The following INTS11 variants were observed in gnomAD, a reference collection of about 807,000 sequenced individuals.
The protein encoded by INTS11 is integrator complex subunit 11.
INTS11 carries 77 observed loss-of-function variants against 78.6 expected under a neutral mutation model. That is an observed-to-expected ratio of 0.98 (90% CI 0.81 to 1.18). The LOEUF is 1.18. Among genes scored for constraint, INTS11 ranks in the 50% most tolerant of loss-of-function variants. The pLI is 0.00. For missense variants in INTS11, 875 were observed against 825.9 expected, an observed-to-expected ratio of 1.06 and a Z score of -0.73; for synonymous variants, 441 against 326.9, an observed-to-expected ratio of 1.35 and a Z score of -3.77.
rs757621940 is a variant in INTS11 at position 1,320,937 on chromosome 1, G to A, written c.126+59C>T. On this transcript the variant is annotated intron_variant, in intron 2 of 16. Coordinates refer to ENST00000435064, the MANE Select transcript of INTS11 (RefSeq NM_017871.6). ...CCACTGTCCCGGCTCTGAGGCCCAG[G>A]GTCCAGCTGTGGATGGCCGGCTCTC... 9.7e-6 allele frequency: 14 copies of A among 1,442,274 alleles called. No homozygotes were observed. The African/African-American group carries it at 2.0e-4, about 20-fold the overall frequency. 89.3% of individuals were successfully genotyped at this position (1,442,274 alleles called of 1,614,324 possible). A position where few individuals can be genotyped will look rare whatever the true frequency, so the allele number is the denominator to read the frequency against.
intron 1 of INTS11, chr1:1,322,052 C>T: frequency 9.3e-7 from 1 of 1,079,250 alleles, no homozygotes; most frequent in Non-Finnish European, 1.2e-6. Flanking sequence ...TGTGAGCTCT[C>T]TGAGAGCAGG....
chr1:1,321,182 G>C (rs1642926069), intron 1 of INTS11, 89 bp from the exon 2 acceptor site: 4 of 1,011,370 alleles, frequency 4.0e-6, no homozygotes, highest in African/African-American at 1.6e-5. Context: ...GTGCACTGAG[G>C]AAACCGGACC....
intron 3 of INTS11, 114 bp downstream of exon 3, chr1:1,320,342 C>A: frequency 1.0e-6 from 1 of 963,718 alleles, no homozygotes; most frequent in African/African-American, 1.6e-5. Flanking sequence ...TAGAAGCCCC[C>A]TGAGGATCAA....
intron 2 of INTS11, 135 bp from the exon 3 acceptor site, chr1:1,320,664 G>C (rs1642891864): frequency 2.2e-6 from 2 of 889,472 alleles, no homozygotes; most frequent in Non-Finnish European, 1.9e-6. Flanking sequence ...CATCCCGCAG[G>C]TGGCACCAGG....
rs773203813 is a variant in INTS11, at chr1:1,312,439, C to A, written c.1464+1G>T. 2.6e-6 allele frequency: 4 copies of A among 1,567,560 alleles called. No homozygotes were observed. The highest frequency in any genetic ancestry group is 3.5e-6 in the Non-Finnish European group (4 of 1,156,774). On this transcript the variant is annotated splice_donor_variant, in intron 14 of 16. Coordinates refer to ENST00000435064, the MANE Select transcript of INTS11 (RefSeq NM_017871.6). LOFTEE classifies it high-confidence loss of function. ...CCTCCAGAGACCGTCCTGGCACTCA[C>A]GCTGTCCTTCATGATCAGGGTGCCG...
At chr1:1,319,188 G>T in intron 4 of INTS11, 108 bp downstream of exon 4, 2 of 1,000,272 alleles carry the variant, frequency 2.0e-6, no homozygotes, top group Middle Eastern at 2.0e-4. Context: ...GGTGGGGTGG[G>T]CTCACCCTGA....
At chr1:1,321,273 C>G (rs1012642413) in intron 1 of INTS11, among the ~76,000 whole-genome samples, 180 bp from the exon 2 acceptor site, 4 of 152,194 alleles carry the variant, frequency 2.6e-5, no homozygotes, top group African/African-American at 9.7e-5. Context: ...GGGGACCATG[C>G]CCCACACCAT....
At chr1:1,322,000 G>A in intron 1 of INTS11, 1 of 1,350,456 alleles carries the variant, frequency 7.4e-7, no homozygotes, top group Non-Finnish European at 9.6e-7. Context: ...ACAGAGAGGG[G>A]ATCTCAGGTT....
rs775679241 is a variant in INTS11 at position 1,320,422 on chromosome 1, C to T, written c.200+34G>A. The T allele has an allele frequency of 6.9e-6, 11 of 1,601,714 alleles. No homozygotes were observed. In the South Asian group the frequency reaches 1.2e-4, roughly 18 times the overall value. On this transcript the variant is annotated intron_variant, in intron 3 of 16. Coordinates refer to ENST00000435064, the MANE Select transcript of INTS11 (RefSeq NM_017871.6). The stretch of plus-strand genomic sequence containing the variant: ...GTGGCCCAAGCCCCACAGGCACAGA[C>T]ATGGGACCCTCAAGGCCCCCAACAG...
At position 1,314,915 on chromosome 1, in the gene INTS11, G is replaced by C. The variant is rs1254050060; in HGVS notation, c.611C>G (p.Ser204Cys). The change falls in exon 7 of 17, where the codon TCC (serine) becomes TGC (cysteine). Residue 204 changes from serine (S) to cysteine (C), a missense_variant. Ser to Cys is a moderately radical substitution (Grantham distance 112). Transcript: ENST00000435064. This position sits in a 1 kb window ranked among gnomAD's most constrained non-coding sequence, Gnocchi z 4.2. ...GTCACGGATGGTCGTGGCGTACGTGGACTCTGTGATGAGCAGGTTGGGGCG... is the reference window on the plus strand; with the variant it reads ...GTCACGGATGGTCGTGGCGTACGTGCACTCTGTGATGAGCAGGTTGGGGCG... ...KCRPNLLITE[S>C]TYATTIRDSK... 3.1e-6 allele frequency: 5 copies of C among 1,613,084 alleles called. No individual in the cohort carries two copies. Among genetic ancestry groups the C allele is most frequent in the Non-Finnish European group, 4.2e-6 (5 of 1,179,954 alleles).
intron 1 of INTS11, 37 bp downstream of exon 1, chr1:1,324,544 A>G: frequency 6.3e-7 from 1 of 1,581,038 alleles, no homozygotes; most frequent in Non-Finnish European, 8.6e-7. Flanking sequence ...CCGCATACGG[A>G]GCCCACCCCA....
chr1:1,313,695 G>C, intron 9 of INTS11, 37 bp downstream of exon 9: 1 of 1,610,202 alleles, frequency 6.2e-7, no homozygotes. Flanking sequence ...AGACCGACGG[G>C]TGTGGATGTG....
Position 1,312,213 on chromosome 1 carries a change from G to GGGGGGGGGGGGGGGCCCCCCCCCCCC in INTS11, c.1607+12_1607+13insGGGGGGGGGGGGCCCCCCCCCCCCCC. 2 of 934,618 alleles carry GGGGGGGGGGGGGGGCCCCCCCCCCCC rather than the reference G, an allele frequency of 2.1e-6. No homozygotes were observed. The highest frequency in any genetic ancestry group is 3.1e-6 in the Non-Finnish European group (2 of 636,666). 57.9% of individuals were successfully genotyped at this position (934,618 alleles called of 1,614,324 possible). On this transcript the variant is annotated intron_variant, in intron 15 of 16. Coordinates refer to ENST00000435064, the MANE Select transcript of INTS11 (RefSeq NM_017871.6). ...CCCAAGGGAGTGGGGGGGGGGCGGG[G>GGGGGGGGGGGGGGGCCCCCCCCCCCC]CCGGGCGCCCACCTCTTGAGGTGGC...
Position 1,323,146 on chromosome 1 carries a change from C to A in INTS11, c.28+1435G>T, listed in dbSNP as rs1239011242. On this transcript the variant is annotated intron_variant, in intron 1 of 16. Transcript: ENST00000435064. ...GGGTGTTCACAGCACAGTGTCCACA[C>A]CGGGGCGGGGGGCACCCTCCGAGGA... 5 of 1,548,900 alleles carry A rather than the reference C, an allele frequency of 3.2e-6. No homozygotes were observed. In the African/African-American group the frequency reaches 5.5e-5, roughly 17 times the overall value.
At position 1,322,548 on chromosome 1, in the gene INTS11, G is replaced by A. The variant is rs111867962; in HGVS notation, c.29-1455C>T. Reference sequence around the variant, plus strand: ...CCAACTTTTGAGCAGGGGAGGGGAGGGGTAGGGTGGGGGAGGGGGAGGGAC... The same window carrying A: ...CCAACTTTTGAGCAGGGGAGGGGAGAGGTAGGGTGGGGGAGGGGGAGGGAC... On this transcript the variant is annotated intron_variant, in intron 1 of 16. Coordinates refer to ENST00000435064, the MANE Select transcript of INTS11 (RefSeq NM_017871.6). Among the ~76,000 whole-genome samples, 267 of 106,048 alleles carry A rather than the reference G, an allele frequency of 2.5e-3. 5 individuals are homozygous for A. The highest frequency in any genetic ancestry group is 9.3e-3 in the African/African-American group (245 of 26,210). 69.6% of individuals were successfully genotyped at this position (106,048 alleles called of 152,430 possible).
intron 4 of INTS11, 75 bp downstream of exon 4, chr1:1,319,221 T>C: frequency 7.8e-7 from 1 of 1,279,800 alleles, no homozygotes; most frequent in Non-Finnish European, 1.1e-6. Flanking sequence ...CCAGAAACTG[T>C]GTAGAACGGG....
chr1:1,324,531 G>A, intron 1 of INTS11, 50 bp downstream of exon 1: 1 of 1,564,712 alleles, frequency 6.4e-7, no homozygotes, highest in Non-Finnish European at 8.7e-7. Context: ...AGCCCGCCCG[G>A]AGCCGCATAC....
intron 4 of INTS11, chr1:1,316,737 CAA>C (rs1642631287): frequency 1.3e-5 from 2 of 151,912 alleles, no homozygotes; most frequent in Non-Finnish European, 2.9e-5. Context: ...CCAGCCTGAC[CAA>C]CACGGAAAAA....
At chr1:1,316,840 C>T (rs1266216130) in intron 4 of INTS11, 1 of 151,912 alleles carries the variant, frequency 6.6e-6, no homozygotes. Flanking sequence ...AGGAGAACTG[C>T]TTGAACCCGG....
Sources: gnomAD v4.1 joint callset for allele counts (sites outside exome capture counted in the v4.1 genomes callset) on GRCh38, gnomAD v4.1.1 for gene constraint, Gnocchi (gnomAD v3.1) non-coding constraint, MANE v1.5 for transcripts, NCBI Gene and HGNC (gene_info 2026-07-23, HGNC 2026-07-21) for gene names.